Variants in CIMIP6 observed in about 807,000 individuals in gnomAD.
CIMIP6 encodes the protein uncharacterized protein C2orf73.
chr2:54,331,976 A>T, the CIMIP6 span, among the ~76,000 whole-genome samples: 2 of 152,232 alleles, frequency 1.3e-5, no homozygotes, highest in African/African-American at 2.4e-5. Flanking sequence ...AAAAACAAGT[A>T]AACAAAAAAC....
the CIMIP6 span, among the ~76,000 whole-genome samples, chr2:54,342,478 T>A: frequency 6.6e-6 from 1 of 152,170 alleles, no homozygotes; most frequent in Non-Finnish European, 1.5e-5. Flanking sequence ...GTCTTCTAAG[T>A]TTCTTGACAA....
chr2:54,342,424 A>G, the CIMIP6 span, among the ~76,000 whole-genome samples: 1 of 152,176 alleles, frequency 6.6e-6, no homozygotes, highest in Non-Finnish European at 1.5e-5. Context: ...GCCTTTGACA[A>G]TTGTATAAAT....
At chr2:54,349,369 G>T in the CIMIP6 span, among the ~76,000 whole-genome samples, 11 of 152,198 alleles carry the variant, frequency 7.2e-5, no homozygotes, top group Admixed American at 7.2e-4. Flanking sequence ...ATTAAGAAAA[G>T]AACATTTCTC....
chr2:54,355,703 G>A, the CIMIP6 span, among the ~76,000 whole-genome samples: 1 of 151,810 alleles, frequency 6.6e-6, no homozygotes, highest in Admixed American at 6.6e-5. Flanking sequence ...GATTCTTGTT[G>A]TCTAGACCAT....
At chr2:54,343,241 A>G in the CIMIP6 span, among the ~76,000 whole-genome samples, 1 of 152,210 alleles carries the variant, frequency 6.6e-6, no homozygotes, top group Non-Finnish European at 1.5e-5. Context: ...TATGTATAGC[A>G]TTGTGTGCTC....
the CIMIP6 span, among the ~76,000 whole-genome samples, chr2:54,337,471 T>G: frequency 6.6e-6 from 1 of 152,210 alleles, no homozygotes; most frequent in African/African-American, 2.4e-5. Context: ...AAATCCAGAT[T>G]AGTGAAGTTC....
the CIMIP6 span, among the ~76,000 whole-genome samples, chr2:54,340,832 G>T: frequency 6.6e-6 from 1 of 152,122 alleles, no homozygotes; most frequent in Non-Finnish European, 1.5e-5. Context: ...AGGCGTGGTG[G>T]CTCATGCCTA....
the CIMIP6 span, among the ~76,000 whole-genome samples, chr2:54,356,164 A>G: frequency 8.8e-5 from 13 of 148,160 alleles, no homozygotes; most frequent in South Asian, 2.3e-3. Context: ...AAAAAAAGGC[A>G]TCACTGAGAT....
the CIMIP6 span, among the ~76,000 whole-genome samples, chr2:54,380,592 T>C: frequency 6.6e-6 from 1 of 152,234 alleles, no homozygotes; most frequent in Non-Finnish European, 1.5e-5. Flanking sequence ...AAAAAGCTCC[T>C]GGGAATTCCT....
At chr2:54,371,779 C>T in the CIMIP6 span, among the ~76,000 whole-genome samples, 4 of 152,184 alleles carry the variant, frequency 2.6e-5, no homozygotes, top group Non-Finnish European at 5.9e-5. Context: ...GGAGTGGTTC[C>T]AGGCATGCTC....
At chr2:54,334,003 G>C in the CIMIP6 span, among the ~76,000 whole-genome samples, 4 of 152,220 alleles carry the variant, frequency 2.6e-5, no homozygotes, top group Non-Finnish European at 4.4e-5. Context: ...GGTGCTACCT[G>C]CTTTCTCTGT....
chr2:54,364,472 T>C, the CIMIP6 span, among the ~76,000 whole-genome samples: 1 of 152,208 alleles, frequency 6.6e-6, no homozygotes, highest in Non-Finnish European at 1.5e-5. Context: ...TTTTAAAATC[T>C]ATTATCTTAT....
At chr2:54,369,379 C>G in the CIMIP6 span, among the ~76,000 whole-genome samples, 3 of 152,174 alleles carry the variant, frequency 2.0e-5, no homozygotes, top group South Asian at 6.2e-4. Context: ...GTTTCTAACC[C>G]TACGGCAGGT....
At chr2:54,360,221 C>G in the CIMIP6 span, 8 of 1,593,892 alleles carry the variant, frequency 5.0e-6, no homozygotes, top group East Asian at 4.5e-5. Flanking sequence ...AGCTTTTGTA[C>G]AGAGAGAGAT....
chr2:54,343,945 A>G, the CIMIP6 span: 3 of 1,273,964 alleles, frequency 2.4e-6, no homozygotes, highest in Non-Finnish European at 3.1e-6. Context: ...GATGTATTAG[A>G]TGTCCGGACA....
chr2:54,375,536 G>A, the CIMIP6 span, among the ~76,000 whole-genome samples: 11 of 152,106 alleles, frequency 7.2e-5, no homozygotes, highest in South Asian at 2.3e-3. Context: ...CTTTTAGAAG[G>A]GCAATTTGAC....
At chr2:54,360,727 T>G in the CIMIP6 span, 1 of 705,860 alleles carries the variant, frequency 1.4e-6, no homozygotes, top group African/African-American at 1.8e-5. Context: ...CAAATGTTAT[T>G]AATAAGAGTG....
chr2:54,354,747 C>G, the CIMIP6 span, among the ~76,000 whole-genome samples: 1 of 151,954 alleles, frequency 6.6e-6, no homozygotes, highest in Non-Finnish European at 1.5e-5. Context: ...TTTTTCTATT[C>G]AGGTAATTAT....
chr2:54,343,773 C>T, the CIMIP6 span: 18 of 1,612,558 alleles, frequency 1.1e-5, no homozygotes, highest in Non-Finnish European at 1.4e-5. Flanking sequence ...TACCACCTTA[C>T]GACTCTAAGA....
Sources: allele counts gnomAD v4.1 joint callset (sites outside exome capture counted in the v4.1 genomes callset), GRCh38; gene constraint gnomAD v4.1.1; transcripts MANE v1.5; gene names NCBI Gene and HGNC (gene_info 2026-07-23, HGNC 2026-07-21).